Variants in CFAP92 observed in about 807,000 individuals in gnomAD.
CFAP92 encodes uncharacterized protein CFAP92.
A neutral mutation model predicts 106.3 loss-of-function variants in CFAP92; 86 were observed. The observed-to-expected ratio is 0.81, with a 90% CI of 0.68 to 0.97. The LOEUF (loss-of-function observed/expected upper bound fraction) is 0.97. Ranked by LOEUF, CFAP92 falls within the 50% of genes least tolerant of loss-of-function variation. CFAP92 has a pLI of 0.00. For missense variants in CFAP92, 1,204 were observed against 1,283.8 expected, an observed-to-expected ratio of 0.94 and a Z score of 0.95; for synonymous variants, 477 against 506.4, an observed-to-expected ratio of 0.94 and a Z score of 0.78.
chr3:129,003,114 G>C (rs1220948919), upstream of CFAP92, among the ~76,000 whole-genome samples: 2 of 152,220 alleles, frequency 1.3e-5, no homozygotes, highest in African/African-American at 4.8e-5. Context: ...ATATGACCCC[G>C]CCTTAGCTCA....
intron 10 of CFAP92, 104 bp from the exon 11 acceptor site, chr3:128,935,423 AC>A (rs1938891756): frequency 1.4e-6 from 1 of 729,942 alleles, no homozygotes; most frequent in Non-Finnish European, 2.1e-6. Flanking sequence ...TTAAAAACAA[AC>A]CCAGGGGCCG....
At chr3:128,996,944 G>A (rs557038918), upstream of CFAP92, among the ~76,000 whole-genome samples, 10 of 152,350 alleles carry the variant, frequency 6.6e-5, no homozygotes, top group South Asian at 1.9e-3. Flanking sequence ...CATTCTCAGA[G>A]CAGGGATCCC....
At chr3:128,976,836 C>A (rs1332438104) in intron 6 of CFAP92, 143 bp downstream of exon 6, 3 of 664,924 alleles carry the variant, frequency 4.5e-6, no homozygotes, top group Non-Finnish European at 5.5e-6. Flanking sequence ...ACACAAGCTA[C>A]CCCTTCCCTG....
intron 9 of CFAP92, among the ~76,000 whole-genome samples, chr3:128,958,897 T>C (rs553956006): frequency 6.6e-6 from 1 of 151,616 alleles, no homozygotes; most frequent in Admixed American, 6.6e-5. Context: ...TGAGACCCTG[T>C]CTCAAAAAAA....
chr3:128,950,065 T>C (rs746966062), intron 9 of CFAP92, among the ~76,000 whole-genome samples: 1 of 151,394 alleles, frequency 6.6e-6, no homozygotes, highest in Non-Finnish European at 1.5e-5. Flanking sequence ...AAAATTTGTT[T>C]TTTAAAAAAA....
At chr3:128,922,759 T>C (rs944232249) in intron 12 of CFAP92, among the ~76,000 whole-genome samples, 3 of 152,210 alleles carry the variant, frequency 2.0e-5, no homozygotes, top group Admixed American at 2.0e-4. Context: ...CAACCTATTA[T>C]TACACCTATT....
exon 1 of CFAP92, chr3:129,002,656 T>C (rs1030351811): frequency 9.2e-5 from 31 of 335,854 alleles, no homozygotes; most frequent in African/African-American, 6.4e-4. Flanking sequence ...GTCTCACATA[T>C]TCCCTTTCAA....
intron 8 of CFAP92, chr3:128,971,028 G>A (rs1215827148): frequency 1.9e-6 from 1 of 520,502 alleles, no homozygotes; most frequent in Non-Finnish European, 3.4e-6. Flanking sequence ...AGGCTTCCTT[G>A]GATTTTGGAA....
At position 128,945,243 on chromosome 3, in the gene CFAP92, T is replaced by A. The variant is rs570986472; in HGVS notation, c.2086A>T (p.Arg696Trp). The A allele has an allele frequency of 2.7e-5, 41 of 1,536,146 alleles. No homozygotes were observed. The East Asian group carries it at 7.8e-4, about 29-fold the overall frequency. ...KALGLDSYPV[R>W]TLQQILSAFK... ...GCTGACAGGATCTGCTGCAGGGTCC[T>A]GACAGGGTAGGAGTCCAGGCCGAGG... Residue 696 changes from arginine (R) to tryptophan (W), a missense_variant, in exon 10 of 16, where the codon AGG becomes TGG. Transcript: ENST00000645291.
intron 15 of CFAP92, chr3:128,910,863 C>T: frequency 6.3e-7 from 1 of 1,589,030 alleles, no homozygotes. Flanking sequence ...TTCTAGGCCC[C>T]TATTGATGGT....
chr3:128,977,576 C>T (rs1218687425), intron 5 of CFAP92, among the ~76,000 whole-genome samples: 3 of 152,112 alleles, frequency 2.0e-5, no homozygotes, highest in Non-Finnish European at 4.4e-5. Flanking sequence ...AAAAGTTTTT[C>T]GGACCAGGTG....
At chr3:128,925,707 G>C (rs1331395270) in intron 12 of CFAP92, among the ~76,000 whole-genome samples, 1 of 152,036 alleles carries the variant, frequency 6.6e-6, no homozygotes, top group Non-Finnish European at 1.5e-5. Flanking sequence ...ACAAGTTCTA[G>C]AAACCCATGG....
At chr3:128,913,127 C>G (rs2107673687) in intron 15 of CFAP92, 1 of 440,494 alleles carries the variant, frequency 2.3e-6, no homozygotes, top group Admixed American at 2.4e-5. Flanking sequence ...CTTTGCTGTA[C>G]TTGTCACACT....
At chr3:129,021,366 A>G in the CFAP92 span, among the ~76,000 whole-genome samples, 1 of 152,342 alleles carries the variant, frequency 6.6e-6, no homozygotes, top group East Asian at 1.9e-4. Context: ...GGCATTTTCC[A>G]AGAGTTGCTC....
rs1553755983 is a variant in CFAP92, at chr3:128,971,363, C to T, written c.1092G>A (p.Glu364=). ...RRHKKPLAEE[E]ADPTLTGPRK... is the part of the protein sequence containing the mutation. ...TGGGGCCTGTCAGCGTGGGGTCTGCCTCTTCTTCTGCCAGGGGCTTCTTAT... is the reference window on the plus strand; with the variant it reads ...TGGGGCCTGTCAGCGTGGGGTCTGCTTCTTCTTCTGCCAGGGGCTTCTTAT... The change falls in exon 8 of 16, where the codon GAG becomes GAA. Residue 364 remains glutamate, a synonymous_variant. Transcript: ENST00000645291. 9.3e-6 allele frequency: 15 copies of T among 1,613,670 alleles called. No homozygotes were observed. Among genetic ancestry groups the T allele is most frequent in the Non-Finnish European group, 1.1e-5 (13 of 1,179,738 alleles).
chr3:128,945,371 A>G lies in CFAP92; in HGVS notation c.1958T>C (p.Leu653Pro), dbSNP rs1312758395. ...RAGARAADPDLGGSQFGRIIF... is the reference protein window; with the variant it reads ...RAGARAADPDPGGSQFGRIIF... Reference sequence around the variant, plus strand: ...GATGCGGCCAAACTGGGAGCCCCCAAGGTCAGGATCAGCAGCTCTGGCCCC... The same window carrying G: ...GATGCGGCCAAACTGGGAGCCCCCAGGGTCAGGATCAGCAGCTCTGGCCCC... The change falls in exon 10 of 16, where the codon CTT becomes CCT. Residue 653 changes from leucine to proline, a missense_variant. Coordinates refer to ENST00000645291, the MANE Select transcript of CFAP92 (RefSeq NM_001394090.1). The G allele has an allele frequency of 2.1e-5, 32 of 1,536,012 alleles. No individual in the cohort carries two copies. Among genetic ancestry groups the G allele is most frequent in the Non-Finnish European group, 2.8e-5 (32 of 1,146,908 alleles).
At chr3:128,941,246 A>G (rs1249895109) in intron 10 of CFAP92, among the ~76,000 whole-genome samples, 1 of 152,138 alleles carries the variant, frequency 6.6e-6, no homozygotes, top group Non-Finnish European at 1.5e-5. Flanking sequence ...TTTTTATACT[A>G]ATTTTTATAT....
At chr3:128,983,510 C>A (rs1043350641) in intron 4 of CFAP92, among the ~76,000 whole-genome samples, 6 of 152,062 alleles carry the variant, frequency 3.9e-5, no homozygotes, top group African/African-American at 1.4e-4. Flanking sequence ...CTCCTCAATG[C>A]CTTTCATTTC....
chr3:128,914,865 A>G, intron 15 of CFAP92: 1 of 480,182 alleles, frequency 2.1e-6, no homozygotes, highest in East Asian at 3.5e-5. Context: ...ATAGCCAAGA[A>G]ACCAGACCCA....
Sources: gnomAD v4.1 joint callset for allele counts (sites outside exome capture counted in the v4.1 genomes callset) on GRCh38, gnomAD v4.1.1 for gene constraint, MANE v1.5 for transcripts, NCBI Gene and HGNC (gene_info 2026-07-23, HGNC 2026-07-21) for gene names.